Variants in NRG3 observed in about 807,000 individuals in gnomAD.
The protein encoded by NRG3 is neuregulin 3.
Under a neutral mutation model 66.9 loss-of-function variants are expected in NRG3, and 31 were observed. The observed-to-expected ratio is 0.46, with a 90% CI of 0.35 to 0.63. The LOEUF is 0.63. Ranked by LOEUF, NRG3 falls within the 20% of genes least tolerant of loss-of-function variation. The pLI, the probability that NRG3 is intolerant of heterozygous loss-of-function variation, is 0.00. For synonymous variants in NRG3, 393 were observed against 359.4 expected, an observed-to-expected ratio of 1.09 and a Z score of -1.06; for missense variants, 910 against 878.9, an observed-to-expected ratio of 1.04 and a Z score of -0.45.
intron 3 of NRG3, among the ~76,000 whole-genome samples, chr10:82,857,691 G>A (rs1272383886): frequency 6.6e-6 from 1 of 152,140 alleles, no homozygotes; most frequent in Non-Finnish European, 1.5e-5. Context: ...GAGATATTGA[G>A]GGAAGTATCA....
intron 2 of NRG3, among the ~76,000 whole-genome samples, chr10:82,499,164 C>G (rs1204343870): frequency 6.6e-6 from 1 of 152,076 alleles, no homozygotes. Context: ...AAAGAATTCT[C>G]TTTTTTAGGC....
chr10:82,025,365 A>G (rs1211551075), intron 1 of NRG3, among the ~76,000 whole-genome samples: 1 of 151,600 alleles, frequency 6.6e-6, no homozygotes, highest in Non-Finnish European at 1.5e-5. Context: ...TGTAGTGTAT[A>G]TGTTTTAGTT....
intron 2 of NRG3, among the ~76,000 whole-genome samples, chr10:82,537,677 A>T (rs1269930181): frequency 6.6e-6 from 1 of 152,198 alleles, no homozygotes; most frequent in African/African-American, 2.4e-5. Flanking sequence ...ATTTTTTAAC[A>T]TAATTTTTGA....
At chr10:82,430,141 T>A (rs2089700728) in intron 2 of NRG3, among the ~76,000 whole-genome samples, 1 of 152,202 alleles carries the variant, frequency 6.6e-6, no homozygotes, top group African/African-American at 2.4e-5. Flanking sequence ...AATAGGTCAT[T>A]CAATGTCTTT....
intron 1 of NRG3, among the ~76,000 whole-genome samples, chr10:82,208,586 G>T (rs984688608): frequency 3.3e-5 from 5 of 151,428 alleles, no homozygotes; most frequent in Non-Finnish European, 7.4e-5. Context: ...GAGGAGCTCT[G>T]TTCTTTGGTC....
chr10:82,481,962 G>C (rs957160958), intron 2 of NRG3, among the ~76,000 whole-genome samples: 1 of 152,146 alleles, frequency 6.6e-6, no homozygotes, highest in African/African-American at 2.4e-5. Context: ...ACTTCAGGCT[G>C]GGCAGTAGAG....
At chr10:81,983,493 G>A (rs1158170420) in intron 1 of NRG3, among the ~76,000 whole-genome samples, 2 of 152,086 alleles carry the variant, frequency 1.3e-5, no homozygotes, top group Non-Finnish European at 2.9e-5. Flanking sequence ...TTTGTGTGAT[G>A]CAATTTGTCA....
chr10:81,877,816 C>A, intron 1 of NRG3: 1 of 1,418,980 alleles, frequency 7.0e-7, no homozygotes, highest in Non-Finnish European at 9.2e-7. Flanking sequence ...TGTTTAGAGC[C>A]TCCACTCAAC....
chr10:82,621,717 C>T (rs1029407995), intron 2 of NRG3, among the ~76,000 whole-genome samples: 13 of 152,276 alleles, frequency 8.5e-5, no homozygotes, highest in East Asian at 3.9e-4. Flanking sequence ...GCTTTTGTGA[C>T]GGAATCAAAG....
intron 3 of NRG3, among the ~76,000 whole-genome samples, chr10:82,839,958 G>T (rs1485629101): frequency 6.6e-6 from 1 of 152,010 alleles, no homozygotes; most frequent in East Asian, 1.9e-4. Context: ...ATTCATTCTA[G>T]CCTTCCCTCT....
At chr10:82,272,352 G>A (rs894333364) in intron 1 of NRG3, among the ~76,000 whole-genome samples, 1 of 152,062 alleles carries the variant, frequency 6.6e-6, no homozygotes, top group Non-Finnish European at 1.5e-5. Flanking sequence ...AATCAGTGCT[G>A]GAGGGGCTGG....
chr10:82,654,450 C>T (rs925803846), intron 2 of NRG3, among the ~76,000 whole-genome samples: 3 of 152,124 alleles, frequency 2.0e-5, no homozygotes, highest in African/African-American at 7.2e-5. Context: ...CTACAGCATG[C>T]AATGTGTAAT....
intron 4 of NRG3, among the ~76,000 whole-genome samples, chr10:82,930,574 G>T (rs1309928533): frequency 6.6e-6 from 1 of 152,136 alleles, no homozygotes; most frequent in East Asian, 1.9e-4. Context: ...GGAACACATG[G>T]TCTTAATTTC....
chr10:82,065,762 A>G (rs1417323026), intron 1 of NRG3, among the ~76,000 whole-genome samples: 1 of 152,182 alleles, frequency 6.6e-6, no homozygotes, highest in Admixed American at 6.5e-5. Flanking sequence ...AATTTCGCTG[A>G]ACAGATTCAT....
chr10:82,945,935 C>A (rs1848979670), intron 4 of NRG3, among the ~76,000 whole-genome samples: 1 of 152,048 alleles, frequency 6.6e-6, no homozygotes, highest in Admixed American at 6.5e-5. Flanking sequence ...TACCTGATAT[C>A]AACATGGACA....
chr10:82,763,899 GTTGACATGATAATA>G (rs1273073509), intron 3 of NRG3, among the ~76,000 whole-genome samples: 1 of 152,136 alleles, frequency 6.6e-6, no homozygotes, highest in Non-Finnish European at 1.5e-5. Context: ...TTTATTAGAT[GTTGACATGATAATA>G]TTTGGACATA....
At chr10:82,711,379 G>A (rs2256265) in intron 2 of NRG3, among the ~76,000 whole-genome samples, 76,018 of 151,900 alleles carry the variant, frequency 0.5, 20,898 homozygotes, top group East Asian at 0.67. Context: ...GAGCCACTAT[G>A]CCTGGCCATA....
intron 1 of NRG3, among the ~76,000 whole-genome samples, chr10:81,984,013 A>C (rs1235974871): frequency 1.3e-5 from 2 of 152,204 alleles, no homozygotes; most frequent in African/African-American, 4.8e-5. Context: ...TGGCAAGGTG[A>C]TAATGGAAGC....
At chr10:82,247,450 A>C (rs942052777) in intron 1 of NRG3, among the ~76,000 whole-genome samples, 1 of 151,922 alleles carries the variant, frequency 6.6e-6, no homozygotes, top group South Asian at 2.1e-4. Flanking sequence ...AATTCTGTTT[A>C]TATGAACTAT....
Sources: gnomAD v4.1 joint callset for allele counts (sites outside exome capture counted in the v4.1 genomes callset) on GRCh38, gnomAD v4.1.1 for gene constraint, MANE v1.5 for transcripts, NCBI Gene and HGNC (gene_info 2026-07-23, HGNC 2026-07-21) for gene names.